Variants in COTL1 observed in about 807,000 individuals in gnomAD.
COTL1 encodes coactosin like F-actin binding protein 1.
In COTL1, 15 loss-of-function variants were observed where a neutral mutation model predicts 16.5. The ratio of observed to expected loss-of-function variants is 0.91; its 90% confidence interval spans 0.61 to 1.40. The LOEUF (loss-of-function observed/expected upper bound fraction) is 1.40. Ranked by LOEUF, COTL1 falls within the 40% of genes most tolerant of loss-of-function variation. The pLI, the probability that COTL1 is intolerant of heterozygous loss-of-function variation, is 0.00. For missense variants in COTL1, 220 were observed against 201.5 expected (o/e 1.09, Z -0.56); for synonymous variants, 112 against 85.3 (o/e 1.31, Z -1.73).
chr16:84,617,799 C>A, intron 1 of COTL1, 39 bp downstream of exon 1: 1 of 1,537,690 alleles, frequency 6.5e-7, no homozygotes, highest in South Asian at 1.2e-5. Flanking sequence ...CCGCGCGAGC[C>A]CGGGGAGCGG....
intron 3 of COTL1, among the ~76,000 whole-genome samples, chr16:84,569,425 C>T (rs572528487): frequency 4.6e-5 from 7 of 152,052 alleles, no homozygotes; most frequent in African/African-American, 9.6e-5. Context: ...GAATGATGAG[C>T]CCAGGAGCAT....
chr16:84,578,790 GAC>G (rs1358176752), intron 3 of COTL1, among the ~76,000 whole-genome samples: 3 of 150,266 alleles, frequency 2.0e-5, no homozygotes, highest in African/African-American at 7.4e-5. Flanking sequence ...TACACACACA[GAC>G]ACACAGGGAT....
intron 2 of COTL1, chr16:84,595,204 G>C (rs1390917070): frequency 6.6e-6 from 1 of 152,458 alleles, no homozygotes; most frequent in Non-Finnish European, 1.5e-5. Context: ...AAATGATCGT[G>C]GGGGAGCGGG....
intron 3 of COTL1, among the ~76,000 whole-genome samples, chr16:84,580,918 C>G (rs2150683534): frequency 6.6e-6 from 1 of 152,264 alleles, no homozygotes; most frequent in East Asian, 1.9e-4. Context: ...CTGAGGCGGG[C>G]AGATCACCTG....
chr16:84,606,764 C>A (rs528658692), intron 2 of COTL1, among the ~76,000 whole-genome samples: 75 of 152,316 alleles, frequency 4.9e-4, no homozygotes, highest in African/African-American at 1.7e-3. Context: ...TCGGTGGCTA[C>A]GTGCCCCCGC....
chr16:84,595,478 C>T (rs1295797798), intron 2 of COTL1: 1 of 152,202 alleles, frequency 6.6e-6, no homozygotes, highest in Non-Finnish European at 1.5e-5. Flanking sequence ...GTTCTCGGTC[C>T]CTTTTGACCT....
At chr16:84,615,853 TTG>T (rs112335989) in intron 2 of COTL1, among the ~76,000 whole-genome samples, 4 of 149,702 alleles carry the variant, frequency 2.7e-5, no homozygotes, top group African/African-American at 7.4e-5. Context: ...AATTTTAGTT[TTG>T]TGTGTGTGTG....
chr16:84,566,962 G>T lies in COTL1; in HGVS notation c.319-7C>A. Reference sequence around the variant, plus strand: ...CAAACTCCTTAGCGAAATTCTGCAAGAACAAAGGAAAACACAGCGTTCCTA... The same window carrying T: ...CAAACTCCTTAGCGAAATTCTGCAATAACAAAGGAAAACACAGCGTTCCTA... On this transcript the variant is annotated splice_region_variant and splice_polypyrimidine_tract_variant and intron_variant, in intron 3 of 3. Coordinates refer to ENST00000262428, the MANE Select transcript of COTL1 (RefSeq NM_021149.5). The T allele has an allele frequency of 6.3e-7, 1 of 1,598,968 alleles. No homozygotes were observed. Among genetic ancestry groups the T allele is most frequent in the Non-Finnish European group, 8.6e-7 (1 of 1,166,374 alleles).
At chr16:84,606,255 C>T (rs982839340) in intron 2 of COTL1, among the ~76,000 whole-genome samples, 1 of 152,196 alleles carries the variant, frequency 6.6e-6, no homozygotes, top group African/African-American at 2.4e-5. Flanking sequence ...GGCCTGGGGC[C>T]AGAGCAGTCA....
chr16:84,569,644 A>C (rs1251218622), intron 3 of COTL1, among the ~76,000 whole-genome samples: 1 of 152,144 alleles, frequency 6.6e-6, no homozygotes, highest in Non-Finnish European at 1.5e-5. Context: ...CTGGGCTTGG[A>C]GAGATTTGCC....
chr16:84,597,004 C>T (rs938511701), intron 2 of COTL1, among the ~76,000 whole-genome samples: 8 of 152,116 alleles, frequency 5.3e-5, no homozygotes, highest in African/African-American at 1.7e-4. Context: ...CAGCCAGGGC[C>T]GCATCCTAGC....
intron 3 of COTL1, among the ~76,000 whole-genome samples, chr16:84,587,779 TTTA>T (rs1331388610): frequency 8.6e-5 from 13 of 151,846 alleles, no homozygotes; most frequent in Admixed American, 8.5e-4. Flanking sequence ...TCATTATTTA[TTTA>T]TTTATTTATT....
intron 2 of COTL1, among the ~76,000 whole-genome samples, chr16:84,611,925 C>T (rs12596592): frequency 0.34 from 51,113 of 151,570 alleles, 8,715 homozygotes; most frequent in East Asian, 0.53. Context: ...TGGCAAATGG[C>T]CCCTTTCCCT....
chr16:84,589,049 C>A (rs1487686766), intron 3 of COTL1, among the ~76,000 whole-genome samples: 2 of 152,136 alleles, frequency 1.3e-5, no homozygotes, highest in African/African-American at 4.8e-5. Flanking sequence ...TGGCTCACTG[C>A]ACCCTTGACC....
intron 3 of COTL1, among the ~76,000 whole-genome samples, chr16:84,572,365 C>T (rs1208062221): frequency 6.6e-6 from 1 of 152,216 alleles, no homozygotes; most frequent in African/African-American, 2.4e-5. Context: ...GCCACCAACA[C>T]CCACGGGGGC....
intron 2 of COTL1, among the ~76,000 whole-genome samples, chr16:84,600,969 T>C (rs1905095932): frequency 6.6e-6 from 1 of 152,126 alleles, no homozygotes; most frequent in Non-Finnish European, 1.5e-5. Flanking sequence ...CTTCCTTAAA[T>C]GGGAGTTAGT....
intron 3 of COTL1, among the ~76,000 whole-genome samples, chr16:84,587,512 C>T (rs777526245): frequency 6.6e-6 from 1 of 152,144 alleles, no homozygotes; most frequent in Non-Finnish European, 1.5e-5. Flanking sequence ...AACAGGGGAA[C>T]ATTTAGTACA....
intron 1 of COTL1, 29 bp from the exon 2 acceptor site, chr16:84,617,612 C>A: frequency 6.5e-7 from 1 of 1,545,144 alleles, no homozygotes; most frequent in Non-Finnish European, 8.8e-7. Flanking sequence ...AAAAAACACA[C>A]ACACACATCA....
chr16:84,590,326 G>C lies in COTL1; in HGVS notation c.161-64C>G. 2 of 1,573,044 alleles carry C rather than the reference G, an allele frequency of 1.3e-6. No homozygotes were observed. Among genetic ancestry groups the C allele is most frequent in the Non-Finnish European group, 1.7e-6 (2 of 1,154,514 alleles). ...AAAACACCCCCATGTCATGTCCCTG[G>C]GGAGAGGCTGTGAGCCACGAGTGCG... On this transcript the variant is annotated intron_variant, in intron 2 of 3. Transcript: ENST00000262428. This position sits in a 1 kb window ranked among gnomAD's most constrained non-coding sequence, Gnocchi z 5.5.
Sources: gnomAD v4.1 joint callset for allele counts (sites outside exome capture counted in the v4.1 genomes callset) on GRCh38, gnomAD v4.1.1 for gene constraint, Gnocchi (gnomAD v3.1) non-coding constraint, MANE v1.5 for transcripts, NCBI Gene and HGNC (gene_info 2026-07-23, HGNC 2026-07-21) for gene names.